The following CTDSPL variants were observed in gnomAD, a reference collection of about 807,000 sequenced individuals.
CTDSPL encodes CTD small phosphatase-like protein.
Under a neutral mutation model 30.5 loss-of-function variants are expected in CTDSPL, and 8 were observed. The observed-to-expected ratio is 0.26, with a 90% CI of 0.15 to 0.47. The LOEUF (loss-of-function observed/expected upper bound fraction) is 0.47, where lower values mean the gene tolerates loss of function less well. Ranked by LOEUF, CTDSPL falls within the 20% of genes least tolerant of loss-of-function variation. The probability of loss-of-function intolerance (pLI) is 0.99; values close to 1 mark genes in which losing one functional copy is unlikely to be tolerated. For synonymous variants in CTDSPL, 110 were observed against 137.9 expected, an observed-to-expected ratio of 0.80 and a Z score of 1.42; for missense variants, 248 against 366.1, an observed-to-expected ratio of 0.68 and a Z score of 2.63.
At chr3:37,903,598 G>A (rs1451498619) in intron 1 of CTDSPL, among the ~76,000 whole-genome samples, 2 of 152,170 alleles carry the variant, frequency 1.3e-5, no homozygotes, top group Non-Finnish European at 2.9e-5. Flanking sequence ...GTCAAACAAG[G>A]ATGTCCTTGC....
rs1445176891 is a variant in CTDSPL at position 37,975,232 on chromosome 3, C to T, written c.520-477C>T. 2.0e-5 allele frequency among the ~76,000 whole-genome samples: 3 copies of T among 152,156 alleles called. No individual in the cohort carries two copies. Among genetic ancestry groups the T allele is most frequent in the Admixed American group, 6.5e-5 (1 of 15,280 alleles). ...GCTCATTCAGCTGTGCCATGTGGGACGCAGCAGTGAGGAACGTGGGCCTTA... is the reference window on the plus strand; with the variant it reads ...GCTCATTCAGCTGTGCCATGTGGGATGCAGCAGTGAGGAACGTGGGCCTTA... On this transcript the variant is annotated intron_variant, in intron 6 of 7. Transcript: ENST00000273179. This position sits in a 1 kb window ranked among gnomAD's most constrained non-coding sequence, Gnocchi z 4.9.
chr3:37,872,195 C>G (rs1698079046), intron 1 of CTDSPL, among the ~76,000 whole-genome samples: 1 of 152,022 alleles, frequency 6.6e-6, no homozygotes, highest in African/African-American at 2.4e-5. Context: ...GGGGGTCAGC[C>G]TATGTTACCC....
intron 1 of CTDSPL, among the ~76,000 whole-genome samples, chr3:37,933,545 T>G (rs1440651771): frequency 1.3e-5 from 2 of 152,250 alleles, no homozygotes; most frequent in Admixed American, 1.3e-4. Flanking sequence ...TGCTCCATTC[T>G]CAGTAGGCAA....
In CTDSPL at chr3:37,971,412, T is replaced by C. The variant is rs779319834; in HGVS notation, c.432T>C (p.Tyr144=). The C allele has an allele frequency of 3.3e-5, 54 of 1,613,850 alleles. No homozygotes were observed. The South Asian group carries it at 5.7e-4, about 17-fold the overall frequency. Residue 144 remains tyrosine, a synonymous_variant, in exon 6 of 8, where the codon TAT becomes TAC. Transcript: ENST00000273179. The stretch of plus-strand genomic sequence containing the variant: ...GCTGTCTCCTGCCATTGCAGGTGTA[T>C]GTGCTGAAGCGGCCACATGTGGACG... The part of the protein sequence containing the change: ...VEIDGTIHQV[Y]VLKRPHVDEF...
At chr3:37,928,317 A>G (rs529229703) in intron 1 of CTDSPL, among the ~76,000 whole-genome samples, 42 of 152,370 alleles carry the variant, frequency 2.8e-4, no homozygotes, top group Non-Finnish European at 5.4e-4. Flanking sequence ...TGTTTTCCAC[A>G]GCAGCTATAC....
Position 37,933,583 on chromosome 3 carries a change from C to T in CTDSPL, c.80-13474C>T, listed in dbSNP as rs1013407221. ...TAGTGCAGAGATTGAGAGCACAGACCACTGGGTTTGAACAAACTCCACTCT... is the reference window on the plus strand; with the variant it reads ...TAGTGCAGAGATTGAGAGCACAGACTACTGGGTTTGAACAAACTCCACTCT... On this transcript the variant is annotated intron_variant, in intron 1 of 7. Coordinates refer to ENST00000273179, the MANE Select transcript of CTDSPL (RefSeq NM_001008392.2). 3.3e-5 allele frequency among the ~76,000 whole-genome samples: 5 copies of T among 152,280 alleles called. No individual in the cohort carries two copies. In the South Asian group the frequency reaches 1.0e-3, roughly 32 times the overall value.
At chr3:37,960,205 G>A (rs1699220483) in intron 3 of CTDSPL, among the ~76,000 whole-genome samples, 1 of 151,664 alleles carries the variant, frequency 6.6e-6, no homozygotes, top group Admixed American at 6.6e-5. Context: ...ATTAGGCTGG[G>A]CGTGGTAGCT....
chr3:37,936,064 C>G (rs1698911808), intron 1 of CTDSPL, among the ~76,000 whole-genome samples: 1 of 152,126 alleles, frequency 6.6e-6, no homozygotes, highest in Admixed American at 6.5e-5. Context: ...TTGTTATGAA[C>G]CCACAGTGGA....
intron 1 of CTDSPL, among the ~76,000 whole-genome samples, chr3:37,865,539 C>A (rs1009134247): frequency 6.6e-6 from 1 of 152,162 alleles, no homozygotes; most frequent in African/African-American, 2.4e-5. Context: ...CAATTAGGAA[C>A]ACATTTGGCT....
chr3:37,935,140 C>G (rs1359512856), intron 1 of CTDSPL, among the ~76,000 whole-genome samples: 1 of 152,228 alleles, frequency 6.6e-6, no homozygotes, highest in Non-Finnish European at 1.5e-5. Context: ...TATTCCTACT[C>G]TGTTGGACAT....
chr3:37,868,542 A>G (rs1182980992), intron 1 of CTDSPL, among the ~76,000 whole-genome samples: 1 of 152,004 alleles, frequency 6.6e-6, no homozygotes, highest in East Asian at 1.9e-4. Context: ...ATAATTTTAC[A>G]TTAAATTTAA....
chr3:37,911,787 G>A (rs748951230), intron 1 of CTDSPL: 22 of 454,264 alleles, frequency 4.8e-5, no homozygotes, highest in South Asian at 4.7e-5. Context: ...AGCCAGGCGC[G>A]GTGGTTCACG....
chr3:37,909,763 A>G lies in CTDSPL; in HGVS notation c.80-37294A>G, dbSNP rs1323807825. Among the ~76,000 whole-genome samples, 3 of 152,250 alleles carry G rather than the reference A, an allele frequency of 2.0e-5. No individual in the cohort carries two copies. In the East Asian group the frequency reaches 5.8e-4, roughly 29 times the overall value. ...GCTGTGTGACCTTGAGCTCTGGGCC[A>G]TAAGGCCAAGTCCCACATTTGGGGA... On this transcript the variant is annotated intron_variant, in intron 1 of 7. Transcript: ENST00000273179.
intron 1 of CTDSPL, chr3:37,944,912 G>A (rs1699018105): frequency 6.6e-6 from 1 of 150,492 alleles, no homozygotes; most frequent in African/African-American, 2.4e-5. Flanking sequence ...AAGTAATCAT[G>A]TGGTAGAAAT....
At chr3:37,973,178 T>C (rs964377235) in intron 6 of CTDSPL, among the ~76,000 whole-genome samples, 2 of 152,190 alleles carry the variant, frequency 1.3e-5, no homozygotes. Context: ...TCAGGGAAAA[T>C]AGAGTCTTCC....
At chr3:37,872,081 T>C (rs1261472268) in intron 1 of CTDSPL, among the ~76,000 whole-genome samples, 3 of 152,160 alleles carry the variant, frequency 2.0e-5, no homozygotes, top group South Asian at 2.1e-4. Context: ...AGCCTCAACC[T>C]CATGGACTCA....
At chr3:37,866,787 C>T (rs1274657248) in intron 1 of CTDSPL, among the ~76,000 whole-genome samples, 1 of 152,104 alleles carries the variant, frequency 6.6e-6, no homozygotes, top group African/African-American at 2.4e-5. Flanking sequence ...AAACTTTAAG[C>T]TTTGGGCTGC....
intron 1 of CTDSPL, among the ~76,000 whole-genome samples, chr3:37,918,971 A>G (rs1309428692): frequency 3.9e-5 from 6 of 152,110 alleles, no homozygotes; most frequent in African/African-American, 1.4e-4. Context: ...GGGATTATTT[A>G]TCATGAAAAA....
In CTDSPL at chr3:37,982,609, G is replaced by A; in HGVS notation, c.*1742G>A. On this transcript the variant is annotated 3_prime_UTR_variant, in exon 8 of 8. Transcript: ENST00000273179. ...ATTACATCCTCCCAACAGCACTTTG[G>A]TCTGTGGACTGCTGTGTGAATATTC... 1 of 456,698 alleles carries A rather than the reference G, an allele frequency of 2.2e-6. No homozygotes were observed. The highest frequency in any genetic ancestry group is 4.4e-6 in the Non-Finnish European group (1 of 226,980). The allele number at this position is 456,698 out of a possible 1,614,324, so 28.3% of individuals were successfully genotyped here. A position where few individuals can be genotyped will look rare whatever the true frequency, so the allele number is the denominator to read the frequency against.
Sources: allele counts gnomAD v4.1 joint callset (sites outside exome capture counted in the v4.1 genomes callset), GRCh38; gene constraint gnomAD v4.1.1; non-coding constraint Gnocchi (gnomAD v3.1); transcripts MANE v1.5; gene names NCBI Gene and HGNC (gene_info 2026-07-23, HGNC 2026-07-21).